Variants in TSPAN8 observed in about 807,000 individuals in gnomAD.
TSPAN8 encodes the protein tetraspanin-8.
TSPAN8 carries 21 observed loss-of-function variants against 32.8 expected under a neutral mutation model. The ratio of observed to expected loss-of-function variants is 0.64; its 90% CI spans 0.45 to 0.92. The LOEUF is 0.92. Ranked by LOEUF, TSPAN8 falls within the 40% of genes least tolerant of loss-of-function variation. TSPAN8 has a pLI of 0.00. For synonymous variants in TSPAN8, 95 were observed against 94.6 expected (o/e 1.00, Z -0.03); for missense variants, 269 against 281.9 (o/e 0.95, Z 0.33).
At chr12:71,132,625 TAGGG>T in intron 7 of TSPAN8, 64 bp downstream of exon 7, 1 of 1,552,644 alleles carries the variant, frequency 6.4e-7, no homozygotes, top group South Asian at 1.2e-5. Context: ...TAATTTTTTG[TAGGG>T]ACTTTAATTG....
chr12:71,147,356 G>A (rs1246874259), intron 2 of TSPAN8, among the ~76,000 whole-genome samples: 6 of 152,120 alleles, frequency 3.9e-5, no homozygotes, highest in African/African-American at 1.4e-4. Flanking sequence ...AAGTATGTTT[G>A]GAGAATGCTG....
chr12:71,129,281 A>C, intron 8 of TSPAN8, 50 bp downstream of exon 8: 1 of 1,471,878 alleles, frequency 6.8e-7, no homozygotes, highest in Non-Finnish European at 9.1e-7. Context: ...CTTGAAATTA[A>C]TGAACAAGCA....
chr12:71,139,338 C>T (rs1159783334), intron 4 of TSPAN8: 4 of 451,008 alleles, frequency 8.9e-6, no homozygotes, highest in East Asian at 6.1e-5. Flanking sequence ...CATCCCCTGT[C>T]TTGCCCTTTG....
rs779560405 is a variant in TSPAN8, at chr12:71,144,174, G to A, written c.100C>T (p.Arg34Ter). 15 of 1,611,288 alleles carry A rather than the reference G, an allele frequency of 9.3e-6. No homozygotes were observed. Among genetic ancestry groups the A allele is most frequent in the East Asian group, 2.2e-5 (1 of 44,812 alleles). ...ILILALAIWVRVSNDSQAIFG... is the reference protein window; with the variant it reads ...ILILALAIWV Reference sequence around the variant, plus strand: ...ACTGCTTGAGAGTCATTGCTTACTCGTACCCATATTGCTAATGCTAGGATC... The same window carrying A: ...ACTGCTTGAGAGTCATTGCTTACTCATACCCATATTGCTAATGCTAGGATC... The change falls in exon 3 of 9, where the codon CGA (arginine) becomes TGA (stop). Residue 34 changes from arginine (R) to a stop codon, truncating the protein, a stop_gained. Coordinates refer to ENST00000247829, the MANE Select transcript of TSPAN8 (RefSeq NM_004616.3). LOFTEE classifies it high-confidence loss of function.
At position 71,137,951 on chromosome 12, in the gene TSPAN8, A is replaced by T. The variant is rs1871757339; in HGVS notation, c.444+2T>A. On this transcript the variant is annotated splice_donor_variant, in intron 6 of 8. Coordinates refer to ENST00000247829, the MANE Select transcript of TSPAN8 (RefSeq NM_004616.3). LOFTEE classifies it high-confidence loss of function. ...TTAAAATGAACAATGAATTCTAATT[A>T]CCTCTTCTTGAAACACAATTATGGC... The T allele has an allele frequency of 6.2e-7, 1 of 1,609,986 alleles. No homozygotes were observed. Among genetic ancestry groups the T allele is most frequent in the Non-Finnish European group, 8.5e-7 (1 of 1,178,314 alleles).
intron 2 of TSPAN8, among the ~76,000 whole-genome samples, chr12:71,149,044 A>C (rs1237484670): frequency 6.6e-6 from 1 of 152,184 alleles, no homozygotes; most frequent in Non-Finnish European, 1.5e-5. Flanking sequence ...CTTGTTCAAC[A>C]GTATTTTTTA....
intron 7 of TSPAN8, among the ~76,000 whole-genome samples, chr12:71,132,318 C>T (rs1871542278): frequency 6.6e-6 from 1 of 152,010 alleles, no homozygotes; most frequent in African/African-American, 2.4e-5. Context: ...AAACAAAAAA[C>T]ATTGAAAATT....
intron 6 of TSPAN8, among the ~76,000 whole-genome samples, chr12:71,137,627 G>A (rs941546220): frequency 3.9e-5 from 6 of 151,968 alleles, no homozygotes; most frequent in Non-Finnish European, 7.4e-5. Context: ...GAGAGAGAGA[G>A]AAAGAGAGGA....
At chr12:71,130,630 C>T (rs1871490908) in intron 7 of TSPAN8, among the ~76,000 whole-genome samples, 1 of 129,690 alleles carries the variant, frequency 7.7e-6, no homozygotes, top group Admixed American at 8.5e-5. Context: ...CTCCAGAAGG[C>T]TAAGTCATCT....
rs762144605 is a variant in TSPAN8 at position 71,132,732 on chromosome 12, T to C, written c.537A>G (p.Arg179=). 2 of 1,613,974 alleles carry C rather than the reference T, an allele frequency of 1.2e-6. No individual in the cohort carries two copies. The highest frequency in any genetic ancestry group is 2.2e-5 in the South Asian group (2 of 91,078). The change falls in exon 7 of 9, where the codon AGA becomes AGG. Residue 179 remains arginine (R), a synonymous_variant. Transcript: ENST00000247829. ...PELCACLDKQ[R]PCQSYNGKQV... is the part of the protein sequence containing the mutation. ...GTTTTCCATTATAGCTTTGGCATGG[T>C]CTCTGCTTATCTAGACAGGCACATA...
intron 4 of TSPAN8, 84 bp from the exon 5 acceptor site, chr12:71,138,314 C>T: frequency 8.0e-7 from 1 of 1,244,864 alleles, no homozygotes; most frequent in Non-Finnish European, 1.2e-6. Flanking sequence ...CTTCTCTCTA[C>T]AGCTGGGATT....
intron 2 of TSPAN8, among the ~76,000 whole-genome samples, chr12:71,149,735 C>A (rs1872187870): frequency 6.6e-6 from 1 of 152,174 alleles, no homozygotes; most frequent in Admixed American, 6.5e-5. Flanking sequence ...ATGTACGTCA[C>A]CTCAGGACCC....
chr12:71,142,077 A>C (rs145425641), intron 3 of TSPAN8, among the ~76,000 whole-genome samples: 53 of 152,252 alleles, frequency 3.5e-4, no homozygotes, highest in African/African-American at 1.3e-3. Flanking sequence ...CAAAACAGCT[A>C]CCTCTGTTTT....
chr12:71,147,187 A>G (rs1264805237), intron 2 of TSPAN8, among the ~76,000 whole-genome samples: 2 of 152,190 alleles, frequency 1.3e-5, no homozygotes, highest in Non-Finnish European at 1.5e-5. Flanking sequence ...CAGATGCTGA[A>G]GACCATAAAA....
intron 8 of TSPAN8, among the ~76,000 whole-genome samples, 168 bp downstream of exon 8, chr12:71,129,163 C>T (rs1019605965): frequency 2.6e-5 from 4 of 151,584 alleles, no homozygotes; most frequent in African/African-American, 7.3e-5. Context: ...TCAGGCTGAT[C>T]GAGGGAGATG....
intron 8 of TSPAN8, among the ~76,000 whole-genome samples, chr12:71,126,537 A>G (rs1370081560): frequency 6.6e-6 from 1 of 152,134 alleles, no homozygotes; most frequent in Non-Finnish European, 1.5e-5. Flanking sequence ...CTTGTATTTC[A>G]TTGTCCCTGA....
At chr12:71,127,096 C>A (rs4616134) in intron 8 of TSPAN8, among the ~76,000 whole-genome samples, 2 of 152,152 alleles carry the variant, frequency 1.3e-5, no homozygotes, top group African/African-American at 4.8e-5. Context: ...TGGAGATAAT[C>A]TGAACATATT....
At chr12:71,157,047 A>C (rs1177793566) in intron 2 of TSPAN8, 1 of 152,240 alleles carries the variant, frequency 6.6e-6, no homozygotes, top group Non-Finnish European at 1.5e-5. Context: ...CAAAATACTG[A>C]CTTTAAAATG....
chr12:71,131,700 A>ACCGGGCGCGGTGGCTCACGCCTG (rs1190409839), intron 7 of TSPAN8, among the ~76,000 whole-genome samples: 1 of 66,502 alleles, frequency 1.5e-5, no homozygotes, highest in Non-Finnish European at 4.1e-5. Context: ...ATAACAGTAA[A>ACCGGGCGCGGTGGCTCACGCCTG]TAAATGAAAT....
Sources: allele counts gnomAD v4.1 joint callset (sites outside exome capture counted in the v4.1 genomes callset), GRCh38; gene constraint gnomAD v4.1.1; transcripts MANE v1.5; gene names NCBI Gene and HGNC (gene_info 2026-07-23, HGNC 2026-07-21).